ZNF777: variants seen among roughly 807,000 people sequenced by gnomAD.
ZNF777 encodes zinc finger protein 777.
Under a neutral mutation model 72.1 loss-of-function variants are expected in ZNF777, and 7 were observed. The ratio of observed to expected loss-of-function variants is 0.10; its 90% CI spans 0.06 to 0.18. ZNF777 has a LOEUF of 0.18. Among genes scored for constraint, ZNF777 ranks in the 10% least tolerant of loss-of-function variants. ZNF777 has a pLI of 1.00. For missense variants in ZNF777, 828 were observed against 1,128.6 expected, an observed-to-expected ratio of 0.73 and a Z score of 3.82; for synonymous variants, 545 against 483.5, an observed-to-expected ratio of 1.13 and a Z score of -1.67.
rs1799319427 is a variant in ZNF777 at position 149,432,160 on chromosome 7, G to A, written c.2112C>T (p.Ser704=). ...FICSLCGKSF[S]RPSHLLRHQR... is the part of the protein sequence containing the mutation. ...GGTGGCGCAGCAGGTGCGAGGGGCG[G>A]CTGAAGCTCTTGCCGCACAGGCTGC... The change falls in exon 6 of 6, where the codon AGC becomes AGT. Residue 704 remains serine, a synonymous_variant. Coordinates refer to ENST00000247930, the MANE Select transcript of ZNF777 (RefSeq NM_015694.3). 3.1e-6 allele frequency: 5 copies of A among 1,604,586 alleles called. No individual in the cohort carries two copies. The highest frequency in any genetic ancestry group is 3.4e-6 in the Non-Finnish European group (4 of 1,179,802).
At position 149,432,271 on chromosome 7, in the gene ZNF777, G is replaced by C. The variant is rs779163338; in HGVS notation, c.2001C>G (p.Pro667=). The part of the protein sequence containing the change: ...THTGERPYTC[P]ECKKSFRLHI... The stretch of plus-strand genomic sequence containing the variant: ...GCAGGCGGAAGCTCTTCTTGCACTC[G>C]GGGCACGTGTAGGGCCGCTCACCCG... Residue 667 remains proline, a synonymous_variant, in exon 6 of 6, where the codon CCC becomes CCG. Transcript: ENST00000247930. 6 of 1,607,792 alleles carry C rather than the reference G, an allele frequency of 3.7e-6. No homozygotes were observed. Among genetic ancestry groups the C allele is most frequent in the Non-Finnish European group, 1.7e-6 (2 of 1,179,326 alleles).
Position 149,436,469 on chromosome 7 carries a change from A to T in ZNF777, c.1339+106T>A. ...ATTCTTTCCCACCTGTTGCCCCATC[A>T]GTGTCCAGCTACCTCTCTGAAGGAA... On this transcript the variant is annotated intron_variant, in intron 5 of 5. Transcript: ENST00000247930. The surrounding 1 kb of genome is among the most constrained non-coding windows in gnomAD (Gnocchi z 5.0). 1 of 1,337,020 alleles carries T rather than the reference A, an allele frequency of 7.5e-7. No individual in the cohort carries two copies. Among genetic ancestry groups the T allele is most frequent in the Non-Finnish European group, 1.0e-6 (1 of 985,458 alleles). The allele number at this position is 1,337,020 out of a possible 1,614,324, so 82.8% of individuals were successfully genotyped here.
chr7:149,451,304 G>A (rs1479012126), intron 3 of ZNF777, among the ~76,000 whole-genome samples, 192 bp from the exon 4 acceptor site: 4 of 151,002 alleles, frequency 2.6e-5, no homozygotes, highest in Admixed American at 6.6e-5. Context: ...TGTGTGTGGC[G>A]GGGGGTAGAG....
intron 5 of ZNF777, among the ~76,000 whole-genome samples, chr7:149,435,441 G>T (rs561376117): frequency 7.3e-4 from 111 of 152,094 alleles, no homozygotes; most frequent in Non-Finnish European, 1.4e-3. Flanking sequence ...AAAGTGCTGG[G>T]ATTACAGGTG....
intron 1 of ZNF777, among the ~76,000 whole-genome samples, chr7:149,457,408 C>G (rs1347662944): frequency 6.6e-6 from 1 of 152,210 alleles, no homozygotes; most frequent in Non-Finnish European, 1.5e-5. Context: ...CAATTTTCTT[C>G]CGTTGAAAAT....
Position 149,455,604 on chromosome 7 carries a change from A to G in ZNF777, c.419T>C (p.Leu140Pro), listed in dbSNP as rs775365917. 3 of 1,567,334 alleles carry G rather than the reference A, an allele frequency of 1.9e-6. No homozygotes were observed. Among genetic ancestry groups the G allele is most frequent in the African/African-American group, 3.2e-5 (2 of 61,934 alleles). The change falls in exon 2 of 6, where the codon CTG becomes CCG. Residue 140 changes from leucine to proline, a missense_variant. This residue lies in a region of ZNF777 where 222 missense variants were observed against 211.2 expected (regional missense o/e 1.05). Coordinates refer to ENST00000247930, the MANE Select transcript of ZNF777 (RefSeq NM_015694.3). This position sits in a 1 kb window ranked among gnomAD's most constrained non-coding sequence, Gnocchi z 4.2. ...CTCGGGAACTGTTGGGGAAAGGGTC[A>G]GGGGGTCTTTCTCAGGAGCTTCAGG... ...HSPEAPEKDP[L>P]TLSPTVPETD... is the part of the protein sequence containing the mutation.
intron 5 of ZNF777, among the ~76,000 whole-genome samples, chr7:149,434,011 A>G (rs1416387628): frequency 6.8e-6 from 1 of 146,526 alleles, no homozygotes; most frequent in Non-Finnish European, 1.5e-5. Context: ...AAAACCAACA[A>G]GACCTTTTCA....
At chr7:149,457,643 C>T (rs545540800) in intron 1 of ZNF777, among the ~76,000 whole-genome samples, 1 of 152,266 alleles carries the variant, frequency 6.6e-6, no homozygotes, top group South Asian at 2.1e-4. Flanking sequence ...TTTTAAGCCA[C>T]GGATTGAATA....
intron 4 of ZNF777, among the ~76,000 whole-genome samples, chr7:149,448,771 G>A (rs1255029175): frequency 2.0e-5 from 3 of 151,778 alleles, no homozygotes; most frequent in Admixed American, 6.6e-5. Flanking sequence ...TGAAGATGGT[G>A]CCTGGCTTCT....
chr7:149,437,815 T>C (rs1049666756), intron 4 of ZNF777, among the ~76,000 whole-genome samples: 6 of 150,552 alleles, frequency 4.0e-5, no homozygotes, highest in Non-Finnish European at 7.4e-5. Context: ...CTTTTTTTTT[T>C]TTTTTTGTCA....
At chr7:149,456,125 A>C in intron 1 of ZNF777, 88 bp from the exon 2 acceptor site, 1 of 1,422,034 alleles carries the variant, frequency 7.0e-7, no homozygotes, top group Non-Finnish European at 9.3e-7. Flanking sequence ...TACACATAAA[A>C]AGTGCTTCCG....
At position 149,456,033 on chromosome 7, in the gene ZNF777, T is replaced by G; in HGVS notation, c.-11A>C. 6.4e-7 allele frequency: 1 copy of G among 1,551,076 alleles called. No homozygotes were observed. ...GCGTTGGTTCTCCATGTCCAGCTGC[T>G]GAACCTGTGTTCATGGAAGAAAGGA... On this transcript the variant is annotated 5_prime_UTR_variant, in exon 2 of 6. Transcript: ENST00000247930.
intron 1 of ZNF777, among the ~76,000 whole-genome samples, chr7:149,457,744 G>A (rs1314825238): frequency 6.6e-6 from 1 of 152,174 alleles, no homozygotes; most frequent in Non-Finnish European, 1.5e-5. Flanking sequence ...AGCTGAGAAT[G>A]GCTAACAATT....
At chr7:149,454,361 C>A in intron 2 of ZNF777, 124 bp from the exon 3 acceptor site, 1 of 1,257,208 alleles carries the variant, frequency 8.0e-7, no homozygotes, top group Non-Finnish European at 1.1e-6. Flanking sequence ...AGAAGTCTGG[C>A]CACTGTCCTG....
rs373323379 is a variant in ZNF777 at position 149,455,869 on chromosome 7, G to A, written c.154C>T (p.Arg52Cys). 8.5e-5 allele frequency: 137 copies of A among 1,613,870 alleles called. No individual in the cohort carries two copies. The highest frequency in any genetic ancestry group is 9.7e-5 in the Non-Finnish European group (115 of 1,180,012). The change falls in exon 2 of 6, where the codon CGT becomes TGT. Residue 52 changes from arginine (R) to cysteine (C), a missense_variant. Arg to Cys is a radical substitution (Grantham distance 180). Coordinates refer to ENST00000247930, the MANE Select transcript of ZNF777 (RefSeq NM_015694.3). This position sits in a 1 kb window ranked among gnomAD's most constrained non-coding sequence, Gnocchi z 4.2. ...EIPSLSPTIP[R>C]QGSLPQTSSA... ...GAAGTTTGGGGCAGGGAGCCTTGAC[G>A]GGGAATGGTGGGAGACAAAGAAGGA...
intron 4 of ZNF777, among the ~76,000 whole-genome samples, chr7:149,447,327 C>T (rs953964486): frequency 3.9e-5 from 6 of 152,206 alleles, no homozygotes; most frequent in East Asian, 1.9e-4. Context: ...GCTCAGACCT[C>T]GGTTCTGAAC....
At chr7:149,435,681 T>TAAACGAAACATCCAGACAA (rs1168107260) in intron 5 of ZNF777, among the ~76,000 whole-genome samples, 1 of 152,138 alleles carries the variant, frequency 6.6e-6, no homozygotes, top group Non-Finnish European at 1.5e-5. Flanking sequence ...GACTCACACA[T>TAAACGAAACATCCAGACAA]AAACGAAACA....
chr7:149,456,131 T>A lies in ZNF777; in HGVS notation c.-15-94A>T, dbSNP rs1585705137. On this transcript the variant is annotated intron_variant, in intron 1 of 5. Transcript: ENST00000247930. ...AGACAAGTATACACATAAAAAGTGC[T>A]TCCGTTTGGTAGCAATAATATGTGC... is the stretch of plus-strand genomic sequence containing the variant. 7 of 1,376,216 alleles carry A rather than the reference T, an allele frequency of 5.1e-6. No homozygotes were observed. In the East Asian group the frequency reaches 1.7e-4, roughly 32 times the overall value. The allele number at this position is 1,376,216 out of a possible 1,614,324, so 85.3% of individuals were successfully genotyped here. A position where few individuals can be genotyped will look rare whatever the true frequency, so the allele number is the denominator to read the frequency against.
intron 4 of ZNF777, among the ~76,000 whole-genome samples, chr7:149,448,691 T>G (rs1399772367): frequency 6.7e-6 from 1 of 150,206 alleles, no homozygotes; most frequent in African/African-American, 2.5e-5. Flanking sequence ...ACCCTCTGAG[T>G]GGCAATGTCT....
Sources: allele counts gnomAD v4.1 joint callset (sites outside exome capture counted in the v4.1 genomes callset), GRCh38; gene constraint gnomAD v4.1.1; regional missense constraint gnomAD v4.1.1; non-coding constraint Gnocchi (gnomAD v3.1); transcripts MANE v1.5; gene names NCBI Gene and HGNC (gene_info 2026-07-23, HGNC 2026-07-21).